The following ST6GALNAC3 variants were observed in gnomAD, a reference collection of about 807,000 sequenced individuals.
ST6GALNAC3 encodes the protein ST6 N-acetylgalactosaminide alpha-2,6-sialyltransferase 3.
ST6GALNAC3 carries 25 observed loss-of-function variants against 32.7 expected under a neutral mutation model. That is an observed-to-expected ratio of 0.76 (90% CI 0.56 to 1.07). The LOEUF (loss-of-function observed/expected upper bound fraction) is 1.07, where lower values mean the gene tolerates loss of function less well. ST6GALNAC3 is among the 50% of genes least tolerant of loss of function. ST6GALNAC3 has a pLI of 0.00. For missense variants in ST6GALNAC3, 355 were observed against 382.4 expected (o/e 0.93, Z 0.60); for synonymous variants, 129 against 133.1 (o/e 0.97, Z 0.21).
intron 3 of ST6GALNAC3, among the ~76,000 whole-genome samples, chr1:76,427,737 A>G (rs1327754496): frequency 2.0e-5 from 3 of 152,242 alleles, no homozygotes; most frequent in Non-Finnish European, 2.9e-5. Context: ...CCAGGAATTC[A>G]GAGATAACTG....
intron 1 of ST6GALNAC3, among the ~76,000 whole-genome samples, chr1:76,111,988 G>T (rs1647990857): frequency 6.6e-6 from 1 of 151,946 alleles, no homozygotes; most frequent in Non-Finnish European, 1.5e-5. Flanking sequence ...CCGGGCAGAG[G>T]GGCTCCTCAC....
intron 1 of ST6GALNAC3, among the ~76,000 whole-genome samples, chr1:76,275,869 T>C (rs918151178): frequency 1.3e-5 from 2 of 152,240 alleles, no homozygotes; most frequent in Non-Finnish European, 2.9e-5. Flanking sequence ...TCACATGTAG[T>C]GCAAGCTTCA....
intron 1 of ST6GALNAC3, among the ~76,000 whole-genome samples, chr1:76,152,967 A>G (rs914367990): frequency 1.3e-5 from 2 of 152,204 alleles, no homozygotes; most frequent in South Asian, 2.1e-4. Context: ...CCTATTGGAA[A>G]ATGTTGTGCA....
At chr1:76,576,846 T>C in intron 3 of ST6GALNAC3, 2 of 1,304,908 alleles carry the variant, frequency 1.5e-6, no homozygotes, top group Non-Finnish European at 2.0e-6. Flanking sequence ...TGATATCCAG[T>C]ACAGAGTGAC....
At chr1:76,196,864 T>A (rs911172402) in intron 1 of ST6GALNAC3, among the ~76,000 whole-genome samples, 8 of 151,946 alleles carry the variant, frequency 5.3e-5, no homozygotes, top group Non-Finnish European at 1.0e-4. Flanking sequence ...CTTATTCATA[T>A]CCATGTATGG....
chr1:76,189,777 G>T (rs544578200), intron 1 of ST6GALNAC3, among the ~76,000 whole-genome samples: 237 of 152,320 alleles, frequency 1.6e-3, no homozygotes, highest in African/African-American at 5.4e-3. Flanking sequence ...GGAGAGTGCT[G>T]CAGAGATGGA....
chr1:76,532,781 A>G (rs189623498), intron 3 of ST6GALNAC3, among the ~76,000 whole-genome samples: 1 of 152,232 alleles, frequency 6.6e-6, no homozygotes, highest in African/African-American at 2.4e-5. Flanking sequence ...GGTATTGGGT[A>G]TATTTACTGT....
In ST6GALNAC3 at chr1:76,122,722, C is replaced by T. The variant is rs117165932; in HGVS notation, c.18+47838C>T. Among the ~76,000 whole-genome samples, 10 of 152,238 alleles carry T rather than the reference C, an allele frequency of 6.6e-5. No homozygotes were observed. In the East Asian group the frequency reaches 1.9e-3, roughly 29 times the overall value. On this transcript the variant is annotated intron_variant, in intron 1 of 4. Transcript: ENST00000328299. The stretch of plus-strand genomic sequence containing the variant: ...ATTATGCTTGAGAATGTTCACTGGA[C>T]CACAAGGCACCTCCCATATTCTGGA...
chr1:76,128,335 C>CCCT (rs1649392179), intron 1 of ST6GALNAC3, among the ~76,000 whole-genome samples: 1 of 152,220 alleles, frequency 6.6e-6, no homozygotes, highest in South Asian at 2.1e-4. Context: ...ACACCCCGTT[C>CCCT]CCTCCTCAAG....
chr1:76,357,450 C>T (rs1649573094), intron 2 of ST6GALNAC3, among the ~76,000 whole-genome samples: 1 of 152,146 alleles, frequency 6.6e-6, no homozygotes, highest in South Asian at 2.1e-4. Flanking sequence ...TCACATCCTT[C>T]CACATGTCTT....
chr1:76,456,442 G>T (rs976008158), intron 3 of ST6GALNAC3, among the ~76,000 whole-genome samples: 1 of 151,974 alleles, frequency 6.6e-6, no homozygotes, highest in Admixed American at 6.6e-5. Context: ...CGCCTCCTGG[G>T]TTCAAGCAAT....
intron 3 of ST6GALNAC3, among the ~76,000 whole-genome samples, chr1:76,506,870 A>G (rs188854595): frequency 2.3e-4 from 35 of 152,322 alleles, no homozygotes; most frequent in East Asian, 9.6e-4. Flanking sequence ...GTAAATATAT[A>G]TGAATGTTGA....
intron 1 of ST6GALNAC3, among the ~76,000 whole-genome samples, chr1:76,207,305 G>T (rs1025842614): frequency 1.3e-5 from 2 of 152,202 alleles, no homozygotes; most frequent in African/African-American, 2.4e-5. Flanking sequence ...GCCTGCCTGT[G>T]TGCCTGTCCC....
At chr1:76,560,046 C>A (rs573564533) in intron 3 of ST6GALNAC3, among the ~76,000 whole-genome samples, 2 of 152,112 alleles carry the variant, frequency 1.3e-5, no homozygotes, top group Non-Finnish European at 2.9e-5. Flanking sequence ...AAAGTGAACT[C>A]ATTTTTGACA....
intron 1 of ST6GALNAC3, among the ~76,000 whole-genome samples, chr1:76,129,177 T>G (rs1397091679): frequency 6.6e-6 from 1 of 152,126 alleles, no homozygotes; most frequent in African/African-American, 2.4e-5. Context: ...GGTATTGTGG[T>G]GTTTTATGAC....
intron 3 of ST6GALNAC3, among the ~76,000 whole-genome samples, chr1:76,503,751 G>C (rs1348833283): frequency 6.6e-6 from 1 of 152,106 alleles, no homozygotes; most frequent in Non-Finnish European, 1.5e-5. Flanking sequence ...TGTGTGTTTG[G>C]TCCTAATCAG....
At chr1:76,346,277 C>G (rs1648504163) in intron 2 of ST6GALNAC3, among the ~76,000 whole-genome samples, 1 of 152,140 alleles carries the variant, frequency 6.6e-6, no homozygotes. Flanking sequence ...AGTAAATTTT[C>G]CAAGGTCACA....
In ST6GALNAC3 at chr1:76,251,301, C is replaced by A. The variant is rs535880876; in HGVS notation, c.19-62504C>A. 2.0e-5 allele frequency among the ~76,000 whole-genome samples: 3 copies of A among 152,142 alleles called. No homozygotes were observed. The South Asian group carries it at 6.2e-4, about 31-fold the overall frequency. ...AAGTTAAGGCCTCTTCCACACCCAA[C>A]TTCTCTAATCCTTTGTCTACATTTT... is the stretch of plus-strand genomic sequence containing the variant. On this transcript the variant is annotated intron_variant, in intron 1 of 4. Transcript: ENST00000328299.
chr1:76,577,264 C>A (rs777686546), intron 3 of ST6GALNAC3: 2 of 991,628 alleles, frequency 2.0e-6, no homozygotes, highest in Non-Finnish European at 2.4e-6. Flanking sequence ...GGAGAGCTTT[C>A]TGATTTCTCC....
Sources: gnomAD v4.1 joint callset for allele counts (sites outside exome capture counted in the v4.1 genomes callset) on GRCh38, gnomAD v4.1.1 for gene constraint, MANE v1.5 for transcripts, NCBI Gene and HGNC (gene_info 2026-07-23, HGNC 2026-07-21) for gene names.